The following CREB3L2 variants were observed in gnomAD, a reference collection of about 807,000 sequenced individuals.
CREB3L2 encodes the protein cyclic AMP-responsive element-binding protein 3-like protein 2.
CREB3L2 carries 23 observed loss-of-function variants against 57.2 expected under a neutral mutation model. That is an observed-to-expected ratio of 0.40 (90% confidence interval 0.29 to 0.57). CREB3L2 has a LOEUF of 0.57. CREB3L2 is among the 20% of genes least tolerant of loss of function. The pLI is 0.42. For synonymous variants in CREB3L2, 268 were observed against 265.1 expected, an observed-to-expected ratio of 1.01 and a Z score of -0.11; for missense variants, 628 against 634.7, an observed-to-expected ratio of 0.99 and a Z score of 0.11.
intron 1 of CREB3L2, among the ~76,000 whole-genome samples, chr7:137,997,555 T>C (rs1802005820): frequency 2.2e-5 from 1 of 44,742 alleles, no homozygotes; most frequent in South Asian, 1.5e-3. Context: ...ATCCCGTTTC[T>C]ACCAAAAAAA....
intron 1 of CREB3L2, among the ~76,000 whole-genome samples, chr7:137,967,250 A>G (rs1801423930): frequency 6.6e-6 from 1 of 152,226 alleles, no homozygotes; most frequent in Non-Finnish European, 1.5e-5. Flanking sequence ...CTGCTGTTTA[A>G]GCCACCCAGT....
chr7:137,975,414 G>A (rs575716385), intron 1 of CREB3L2, among the ~76,000 whole-genome samples: 7 of 152,272 alleles, frequency 4.6e-5, no homozygotes, highest in Admixed American at 3.3e-4. Context: ...GCTCCCAGGC[G>A]GGCTGACACA....
intron 7 of CREB3L2, among the ~76,000 whole-genome samples, chr7:137,902,272 T>C (rs1253262114): frequency 2.0e-5 from 3 of 149,718 alleles, no homozygotes; most frequent in Non-Finnish European, 4.4e-5. Flanking sequence ...GTACAAAATA[T>C]GACCCTCTTT....
At chr7:137,905,536 G>A (rs1799867529) in intron 6 of CREB3L2, among the ~76,000 whole-genome samples, 166 bp downstream of exon 6, 1 of 152,014 alleles carries the variant, frequency 6.6e-6, no homozygotes, top group Non-Finnish European at 1.5e-5. Flanking sequence ...GGAAGAGAGG[G>A]GCACGTGGTG....
At chr7:137,907,534 G>A (rs1378000891) in intron 5 of CREB3L2, among the ~76,000 whole-genome samples, 1 of 152,214 alleles carries the variant, frequency 6.6e-6, no homozygotes, top group Admixed American at 6.5e-5. Context: ...TCAAAGTTAT[G>A]TTAATTAATG....
chr7:137,985,347 C>G (rs182285967), intron 1 of CREB3L2, among the ~76,000 whole-genome samples: 1 of 152,192 alleles, frequency 6.6e-6, no homozygotes, highest in African/African-American at 2.4e-5. Context: ...CAAGGCTAGA[C>G]GCAGTTCAGG....
At chr7:137,903,791 G>C (rs1472125299) in intron 7 of CREB3L2, among the ~76,000 whole-genome samples, 168 bp downstream of exon 7, 1 of 152,102 alleles carries the variant, frequency 6.6e-6, no homozygotes, top group Non-Finnish European at 1.5e-5. Context: ...TATTATAGAC[G>C]TCTCCTCCAA....
chr7:137,891,022 G>T (rs991545468), intron 8 of CREB3L2, among the ~76,000 whole-genome samples: 1 of 152,102 alleles, frequency 6.6e-6, no homozygotes, highest in Non-Finnish European at 1.5e-5. Flanking sequence ...TTGGGCTTCC[G>T]GGAACAAAAT....
intron 1 of CREB3L2, among the ~76,000 whole-genome samples, chr7:137,955,675 A>G (rs758273135): frequency 3.3e-5 from 5 of 152,140 alleles, no homozygotes; most frequent in Non-Finnish European, 5.9e-5. Flanking sequence ...TACCAATAAA[A>G]CTAAAACCCA....
rs559037916 is a variant in CREB3L2, at chr7:137,980,702, T to C, written c.102+20902A>G. 2.0e-5 allele frequency among the ~76,000 whole-genome samples: 3 copies of C among 152,188 alleles called. No individual in the cohort carries two copies. Among genetic ancestry groups the C allele is most frequent in the Non-Finnish European group, 4.4e-5 (3 of 68,020 alleles). ...ACAGGCTCCAAAGCTGCTAGAGCTA[T>C]AGGCTGAAGGTCCTCAGGATTTCAA... On this transcript the variant is annotated intron_variant, in intron 1 of 11. Transcript: ENST00000330387. This position sits in a 1 kb window ranked among gnomAD's most constrained non-coding sequence, Gnocchi z 4.3.
rs1380981354 is a variant in CREB3L2 at position 137,911,604 on chromosome 7, AAGATGGG to A, written c.583+1380_583+1386del. 1.6e-4 allele frequency among the ~76,000 whole-genome samples: 25 copies of A among 152,246 alleles called. 1 individual carries two copies. Among genetic ancestry groups the A allele is most frequent in the Non-Finnish European group, 3.1e-4 (21 of 68,040 alleles). ...TTTAATCCTAACACTTTGGGAGGCC[AAGATGGG>A]AGGATCACTTGAGCTCAGGAGTTTC... On this transcript the variant is annotated intron_variant, in intron 4 of 11. Transcript: ENST00000330387.
rs549226457 is a variant in CREB3L2 at position 137,895,948 on chromosome 7, G to A, written c.1043+5406C>T. Among the ~76,000 whole-genome samples the A allele has an allele frequency of 9.8e-5, 15 of 152,306 alleles. No individual in the cohort carries two copies. In the South Asian group the frequency reaches 2.3e-3, roughly 23 times the overall value. On this transcript the variant is annotated intron_variant, in intron 8 of 11. Coordinates refer to ENST00000330387, the MANE Select transcript of CREB3L2 (RefSeq NM_194071.4). The stretch of plus-strand genomic sequence containing the variant: ...CCTCTGAAGAATGATAATATGAGAA[G>A]CATCAACAGGAACACACACACAGGT...
At chr7:137,999,568 T>C (rs1193250283) in intron 1 of CREB3L2, 1 of 152,178 alleles carries the variant, frequency 6.6e-6, no homozygotes, top group Non-Finnish European at 1.5e-5. Context: ...TACATAAAGA[T>C]TCAGCTAGAG....
chr7:137,962,900 CA>C (rs1801349991), intron 1 of CREB3L2, among the ~76,000 whole-genome samples: 1 of 152,176 alleles, frequency 6.6e-6, no homozygotes, highest in Non-Finnish European at 1.5e-5. Context: ...ACTCATCCCC[CA>C]GCACACACAA....
intron 1 of CREB3L2, among the ~76,000 whole-genome samples, chr7:137,936,379 C>A (rs145246062): frequency 1.1e-4 from 16 of 152,260 alleles, no homozygotes; most frequent in Middle Eastern, 3.4e-3. Flanking sequence ...CTAGTCCCAG[C>A]CTTGCACTTC....
chr7:137,985,417 C>A (rs1301288359), intron 1 of CREB3L2, among the ~76,000 whole-genome samples: 1 of 152,146 alleles, frequency 6.6e-6, no homozygotes, highest in Non-Finnish European at 1.5e-5. Flanking sequence ...GGACAGCATT[C>A]CAAAGGTGCT....
At chr7:137,926,311 G>T (rs1800456316) in intron 2 of CREB3L2, among the ~76,000 whole-genome samples, 1 of 152,192 alleles carries the variant, frequency 6.6e-6, no homozygotes, top group Non-Finnish European at 1.5e-5. Flanking sequence ...ATTTACAATA[G>T]AAAAGACTTG....
At chr7:137,933,120 T>C (rs1036716896) in intron 1 of CREB3L2, among the ~76,000 whole-genome samples, 14 of 152,216 alleles carry the variant, frequency 9.2e-5, no homozygotes, top group South Asian at 4.1e-4. Flanking sequence ...CAAGGACAAA[T>C]TTCCTGGTTG....
chr7:137,891,290 T>C (rs141158659), intron 8 of CREB3L2, among the ~76,000 whole-genome samples: 14 of 152,292 alleles, frequency 9.2e-5, no homozygotes, highest in African/African-American at 3.4e-4. Flanking sequence ...GGCAAAACAT[T>C]CAAAAGAATC....
Sources: allele counts gnomAD v4.1 joint callset (sites outside exome capture counted in the v4.1 genomes callset), GRCh38; gene constraint gnomAD v4.1.1; non-coding constraint Gnocchi (gnomAD v3.1); transcripts MANE v1.5; gene names NCBI Gene and HGNC (gene_info 2026-07-23, HGNC 2026-07-21).